The following RCAN1 variants were observed in gnomAD, a reference collection of about 807,000 sequenced individuals.
RCAN1 encodes regulator of calcineurin 1.
A neutral mutation model predicts 22.9 loss-of-function variants in RCAN1; 11 were observed. That is an observed-to-expected ratio of 0.48 (90% confidence interval 0.30 to 0.79). The LOEUF (loss-of-function observed/expected upper bound fraction) is 0.79. RCAN1 is among the 30% of genes least tolerant of loss of function. RCAN1 has a pLI of 0.06. For synonymous variants in RCAN1, 136 were observed against 142.3 expected, an observed-to-expected ratio of 0.96 and a Z score of 0.32; for missense variants, 291 against 337.8, an observed-to-expected ratio of 0.86 and a Z score of 1.09.
Position 34,545,437 on chromosome 21 carries a change from G to A in RCAN1, c.253-21727C>T, listed in dbSNP as rs1473947084. On this transcript the variant is annotated intron_variant, in intron 1 of 3. Transcript: ENST00000313806. ...AAAGGCATCTCAGAAATGAGGAAGT[G>A]TATTTTGGGCTCCTGTGGTTTCTGA... Among the ~76,000 whole-genome samples the A allele has an allele frequency of 2.0e-5, 3 of 152,228 alleles. No homozygotes were observed. In the East Asian group the frequency reaches 5.8e-4, roughly 29 times the overall value.
chr21:34,613,957 T>C (rs1988748927), intron 1 of RCAN1: 3 of 916,096 alleles, frequency 3.3e-6, no homozygotes, highest in Non-Finnish European at 3.0e-6. Flanking sequence ...ACGCCCACGT[T>C]GTCCACATTT....
At chr21:34,599,278 GT>G (rs1417549732) in intron 1 of RCAN1, among the ~76,000 whole-genome samples, 2 of 152,194 alleles carry the variant, frequency 1.3e-5, no homozygotes, top group Non-Finnish European at 2.9e-5. Context: ...GTTGTGTTAT[GT>G]TCTAATCATG....
chr21:34,526,563 C>A, intron 1 of RCAN1: 1 of 1,242,498 alleles, frequency 8.0e-7, no homozygotes, highest in South Asian at 1.6e-5. Flanking sequence ...AACCCCCAAA[C>A]CCACAAGAGA....
intron 1 of RCAN1, among the ~76,000 whole-genome samples, chr21:34,541,229 T>C (rs1248455239): frequency 2.6e-5 from 4 of 152,184 alleles, no homozygotes; most frequent in African/African-American, 9.7e-5. Flanking sequence ...TAGCTAGGTA[T>C]ATAAGAATCC....
chr21:34,550,984 A>G (rs903706370), intron 1 of RCAN1, among the ~76,000 whole-genome samples: 9 of 152,254 alleles, frequency 5.9e-5, no homozygotes, highest in African/African-American at 2.2e-4. Context: ...ACTCATTCAC[A>G]TATGCACAAC....
At chr21:34,609,094 T>C (rs748240260) in intron 1 of RCAN1, among the ~76,000 whole-genome samples, 4 of 152,220 alleles carry the variant, frequency 2.6e-5, no homozygotes, top group Non-Finnish European at 5.9e-5. Flanking sequence ...GCCAACCCTT[T>C]CCCCAACGTC....
At chr21:34,519,768 G>C (rs897839283) in intron 3 of RCAN1, among the ~76,000 whole-genome samples, 1 of 152,148 alleles carries the variant, frequency 6.6e-6, no homozygotes, top group Non-Finnish European at 1.5e-5. Flanking sequence ...ATTTCCGCCC[G>C]ACAAGAGCGG....
intron 1 of RCAN1, among the ~76,000 whole-genome samples, chr21:34,602,552 C>T (rs917462325): frequency 6.6e-6 from 1 of 152,170 alleles, no homozygotes. Flanking sequence ...GGCTGCACAG[C>T]AGTTTTACTG....
intron 1 of RCAN1, among the ~76,000 whole-genome samples, chr21:34,552,515 G>C (rs1196407279): frequency 1.3e-5 from 2 of 152,172 alleles, no homozygotes; most frequent in African/African-American, 2.4e-5. Flanking sequence ...CAGAGAAACA[G>C]GGCAAACCTG....
intron 3 of RCAN1, 185 bp downstream of exon 3, chr21:34,521,314 G>A (rs780532160): frequency 6.7e-6 from 10 of 1,482,810 alleles, no homozygotes; most frequent in Admixed American, 2.2e-5. Flanking sequence ...AACACTGCAG[G>A]TGGTGCCAAG....
chr21:34,570,943 C>A (rs1241282557), intron 1 of RCAN1, among the ~76,000 whole-genome samples: 2 of 152,062 alleles, frequency 1.3e-5, no homozygotes, highest in Admixed American at 1.3e-4. Context: ...CAAAAATTAA[C>A]CATGATGAAG....
At chr21:34,606,179 G>A (rs1431585712) in intron 1 of RCAN1, among the ~76,000 whole-genome samples, 1 of 152,150 alleles carries the variant, frequency 6.6e-6, no homozygotes, top group Non-Finnish European at 1.5e-5. Context: ...AGAGAACAAT[G>A]AACAGTGATT....
intron 1 of RCAN1, among the ~76,000 whole-genome samples, chr21:34,582,850 G>C (rs1304132816): frequency 6.6e-6 from 1 of 152,160 alleles, no homozygotes; most frequent in Non-Finnish European, 1.5e-5. Context: ...GTGAGAGAGG[G>C]AGGGTAAAAA....
intron 1 of RCAN1, among the ~76,000 whole-genome samples, chr21:34,550,544 T>C (rs997147611): frequency 6.6e-6 from 1 of 152,160 alleles, no homozygotes; most frequent in Non-Finnish European, 1.5e-5. Flanking sequence ...AGATAGCATG[T>C]CATCTATGAG....
Position 34,523,581 on chromosome 21 carries a change from T to C in RCAN1, c.382A>G (p.Lys128Glu), listed in dbSNP as rs140515920. The C allele has an allele frequency of 8.6e-4, 1,389 of 1,614,004 alleles. No homozygotes were observed. Among genetic ancestry groups the C allele is most frequent in the Non-Finnish European group, 1.1e-3 (1,249 of 1,179,984 alleles). ...SAADARLQLH[K>E]TEFLGKEMKL... Reference sequence around the variant, plus strand: ...ATTTCCTTTCCCAGAAACTCAGTCTTATGCAGCTGGAGCCTGGCATCTGCT... The same window carrying C: ...ATTTCCTTTCCCAGAAACTCAGTCTCATGCAGCTGGAGCCTGGCATCTGCT... The change falls in exon 2 of 4, where the codon AAG becomes GAG. Residue 128 changes from lysine to glutamate, a missense_variant. Lys to Glu is a moderately conservative substitution (Grantham distance 56). Transcript: ENST00000313806.
chr21:34,561,358 T>C (rs1986783495), intron 1 of RCAN1, among the ~76,000 whole-genome samples: 1 of 152,170 alleles, frequency 6.6e-6, no homozygotes, highest in South Asian at 2.1e-4. Context: ...AAACTTTTTT[T>C]TGGGCAAGTG....
intron 1 of RCAN1, among the ~76,000 whole-genome samples, chr21:34,566,597 C>A (rs532578808): frequency 3.9e-5 from 6 of 152,264 alleles, no homozygotes; most frequent in South Asian, 2.1e-4. Flanking sequence ...GCACACCAAG[C>A]AAACTCACTT....
At chr21:34,534,289 G>A (rs1286403618) in intron 1 of RCAN1, among the ~76,000 whole-genome samples, 1 of 151,980 alleles carries the variant, frequency 6.6e-6, no homozygotes, top group Non-Finnish European at 1.5e-5. Context: ...GCTCCTCCCT[G>A]TCTCATTCCT....
chr21:34,588,066 T>C (rs183759723), intron 1 of RCAN1, among the ~76,000 whole-genome samples: 1 of 152,346 alleles, frequency 6.6e-6, no homozygotes, highest in East Asian at 1.9e-4. Flanking sequence ...CCAGTCACTA[T>C]AATTGTATGA....
Sources: allele counts gnomAD v4.1 joint callset (sites outside exome capture counted in the v4.1 genomes callset), GRCh38; gene constraint gnomAD v4.1.1; transcripts MANE v1.5; gene names NCBI Gene and HGNC (gene_info 2026-07-23, HGNC 2026-07-21).